Variants in RETREG1 observed in about 807,000 individuals in gnomAD.
RETREG1 encodes the protein reticulophagy regulator 1, also known as family with sequence similarity 134 member B.
In RETREG1, 44 loss-of-function variants were observed where a neutral mutation model predicts 54.8. That is an observed-to-expected ratio of 0.80 (90% CI 0.63 to 1.03). The LOEUF is 1.03. Among genes scored for constraint, RETREG1 ranks in the 50% least tolerant of loss-of-function variants. The pLI is 0.00. For synonymous variants in RETREG1, 217 were observed against 238.5 expected (o/e 0.91, Z 0.83); for missense variants, 554 against 605.1 (o/e 0.92, Z 0.89).
chr5:16,565,872 C>T (rs765643415), intron 2 of RETREG1, 79 bp from the exon 3 acceptor site: 201 of 1,454,926 alleles, frequency 1.4e-4, no homozygotes, highest in Non-Finnish European at 1.8e-4. Flanking sequence ...TGAACTAGTC[C>T]AAGCTATTTA....
intron 1 of RETREG1, among the ~76,000 whole-genome samples, chr5:16,577,253 G>A (rs920014189): frequency 6.9e-4 from 103 of 150,134 alleles, no homozygotes; most frequent in African/African-American, 2.3e-3. Flanking sequence ...CTATAAGTTG[G>A]CACGTGGATC....
chr5:16,545,672 A>G (rs1024794687), intron 3 of RETREG1, among the ~76,000 whole-genome samples: 9 of 152,098 alleles, frequency 5.9e-5, no homozygotes, highest in Middle Eastern at 6.8e-3. Flanking sequence ...GATTCCTAGG[A>G]GGCTTTAAGT....
chr5:16,557,709 T>G (rs560479023), intron 3 of RETREG1, among the ~76,000 whole-genome samples: 1 of 152,356 alleles, frequency 6.6e-6, no homozygotes, highest in South Asian at 2.1e-4. Context: ...ACTTTAAAAC[T>G]GGTGCTTAGT....
intron 1 of RETREG1, among the ~76,000 whole-genome samples, chr5:16,573,180 CAAAAAA>C (rs11303408): frequency 9.1e-4 from 41 of 45,146 alleles, no homozygotes; most frequent in South Asian, 2.0e-3. Flanking sequence ...GATTCTGTCT[CAAAAAA>C]AAAAAAAAAA....
intron 4 of RETREG1, 94 bp from the exon 5 acceptor site, chr5:16,481,187 C>G (rs571481170): frequency 2.8e-5 from 27 of 948,838 alleles, no homozygotes; most frequent in Non-Finnish European, 4.4e-5. Flanking sequence ...CTATAGTGAC[C>G]GGTATAAGTG....
chr5:16,595,480 A>C (rs1257917743), intron 1 of RETREG1, among the ~76,000 whole-genome samples: 11 of 152,212 alleles, frequency 7.2e-5, no homozygotes, highest in Non-Finnish European at 1.0e-4. Flanking sequence ...GTGTTGTTTT[A>C]GCAGACACAA....
At chr5:16,525,772 G>GAGAGAGA (rs33995259) in intron 3 of RETREG1, among the ~76,000 whole-genome samples, 2 of 151,286 alleles carry the variant, frequency 1.3e-5, no homozygotes, top group Admixed American at 6.6e-5. Context: ...ACACAGAGAG[G>GAGAGAGA]GAGAGAGAGA....
intron 1 of RETREG1, among the ~76,000 whole-genome samples, chr5:16,595,090 A>C (rs149447): frequency 0.32 from 47,918 of 152,082 alleles, 7,988 homozygotes; most frequent in Non-Finnish European, 0.37. Context: ...TATGCAACTC[A>C]TAAGTAACTG....
chr5:16,506,430 G>A lies in RETREG1; in HGVS notation c.459-22958C>T, dbSNP rs149275618. Among the ~76,000 whole-genome samples the A allele has an allele frequency of 2.0e-3, 309 of 151,868 alleles. 1 individual carries two copies. The highest frequency in any genetic ancestry group is 7.2e-3 in the African/African-American group (297 of 41,418). On this transcript the variant is annotated intron_variant, in intron 3 of 8. Coordinates refer to ENST00000306320, the MANE Select transcript of RETREG1 (RefSeq NM_001034850.3). ...TGTCCAATGGCATTTCATCTCGAAG[G>A]TAGCAAGAGTCAAATTCCTGTTCCA...
Position 16,616,980 on chromosome 5 carries a change from GTGCTTCCAGA to G in RETREG1, c.-19_-10del. The G allele has an allele frequency of 7.2e-7, 1 of 1,393,520 alleles. No homozygotes were observed. Among genetic ancestry groups the G allele is most frequent in the Non-Finnish European group, 9.3e-7 (1 of 1,076,148 alleles). The allele number at this position is 1,393,520 out of a possible 1,614,324, so 86.3% of individuals were successfully genotyped here. On this transcript the variant is annotated 5_prime_UTR_variant, in exon 1 of 9. Coordinates refer to ENST00000306320, the MANE Select transcript of RETREG1 (RefSeq NM_001034850.3). ...GGCGCCGGGCTCGCCATCTTCAGCT[GTGCTTCCAGA>G]CAGGGACGGGGCCGGGCGCGCGCGC...
chr5:16,597,590 A>G lies in RETREG1; in HGVS notation c.320+19062T>C, dbSNP rs147833797. ...TCAGCCACACCTCCAGAACCCTCCC[A>G]GGGAGAAGGGCACTTCCAACCTGCA... On this transcript the variant is annotated intron_variant, in intron 1 of 8. Coordinates refer to ENST00000306320, the MANE Select transcript of RETREG1 (RefSeq NM_001034850.3). This position sits in a 1 kb window ranked among gnomAD's most constrained non-coding sequence, Gnocchi z 4.3. Among the ~76,000 whole-genome samples, 541 of 152,182 alleles carry G rather than the reference A, an allele frequency of 3.6e-3. 3 individuals carry two copies. The highest frequency in any genetic ancestry group is 0.012 in the African/African-American group (500 of 41,532).
At chr5:16,541,746 AAGGAAGG>A (rs1741254483) in intron 3 of RETREG1, among the ~76,000 whole-genome samples, 2 of 71,102 alleles carry the variant, frequency 2.8e-5, no homozygotes, top group South Asian at 1.0e-3. Flanking sequence ...GGAGGGAAGG[AAGGAAGG>A]AAGGAAGGAA....
At chr5:16,507,667 T>C (rs1328184816) in intron 3 of RETREG1, among the ~76,000 whole-genome samples, 1 of 152,186 alleles carries the variant, frequency 6.6e-6, no homozygotes, top group Non-Finnish European at 1.5e-5. Flanking sequence ...CTACTACAAC[T>C]GATTATAATT....
chr5:16,499,838 C>T (rs1486606342), intron 3 of RETREG1, among the ~76,000 whole-genome samples: 1 of 152,240 alleles, frequency 6.6e-6, no homozygotes, highest in Non-Finnish European at 1.5e-5. Context: ...TTTCCCTCAA[C>T]TGTTCCCATA....
In RETREG1 at chr5:16,533,333, A is replaced by G. The variant is rs879118133; in HGVS notation, c.458+32430T>C. On this transcript the variant is annotated intron_variant, in intron 3 of 8. Transcript: ENST00000306320. ...GCTGGGATTACAGGCGTGAGCCACC[A>G]CGCCCGGCTGATAATATGAACTTAA... 2.6e-5 allele frequency among the ~76,000 whole-genome samples: 4 copies of G among 152,118 alleles called. No individual in the cohort carries two copies. The South Asian group carries it at 6.2e-4, about 24-fold the overall frequency.
intron 3 of RETREG1, among the ~76,000 whole-genome samples, chr5:16,532,137 G>A (rs2126595738): frequency 6.6e-6 from 1 of 152,280 alleles, no homozygotes. Flanking sequence ...CATCTTAGTA[G>A]CCTCTTTGCC....
intron 1 of RETREG1, among the ~76,000 whole-genome samples, chr5:16,591,233 T>C (rs1742764791): frequency 6.6e-6 from 1 of 152,152 alleles, no homozygotes; most frequent in Non-Finnish European, 1.5e-5. Flanking sequence ...TGATACTTCA[T>C]CATTAGTGAA....
intron 3 of RETREG1, among the ~76,000 whole-genome samples, chr5:16,510,800 C>T (rs78621291): frequency 1.5e-5 from 1 of 67,156 alleles, no homozygotes; most frequent in Admixed American, 2.1e-4. Context: ...GAAAAAACAA[C>T]AAGAACAACA....
chr5:16,568,406 G>A (rs1466210811), intron 2 of RETREG1, among the ~76,000 whole-genome samples: 1 of 151,898 alleles, frequency 6.6e-6, no homozygotes, highest in African/African-American at 2.4e-5. Flanking sequence ...TCAGTAGCTG[G>A]GATTACAGGT....
Sources: allele counts gnomAD v4.1 joint callset (sites outside exome capture counted in the v4.1 genomes callset), GRCh38; gene constraint gnomAD v4.1.1; non-coding constraint Gnocchi (gnomAD v3.1); transcripts MANE v1.5; gene names NCBI Gene and HGNC (gene_info 2026-07-23, HGNC 2026-07-21).